The following AIG1 variants were observed in gnomAD, a reference collection of about 807,000 sequenced individuals.
The protein encoded by AIG1 is androgen induced 1, also known as androgen-induced gene 1 protein.
A neutral mutation model predicts 31.4 loss-of-function variants in AIG1; 23 were observed. The observed-to-expected ratio is 0.73, with a 90% CI of 0.53 to 1.04. AIG1 has a LOEUF of 1.04. Ranked by LOEUF, AIG1 falls within the 50% of genes least tolerant of loss-of-function variation. The pLI is 0.00. For missense variants in AIG1, 274 were observed against 295.0 expected, an observed-to-expected ratio of 0.93 and a Z score of 0.52; for synonymous variants, 100 against 110.5, an observed-to-expected ratio of 0.90 and a Z score of 0.60.
At position 143,211,631 on chromosome 6, in the gene AIG1, G is replaced by A. The variant is rs149547991; in HGVS notation, c.399+46448G>A. Among the ~76,000 whole-genome samples, 437 of 152,296 alleles carry A rather than the reference G, an allele frequency of 2.9e-3. 1 individual carries two copies. The highest frequency in any genetic ancestry group is 0.01 in the African/African-American group (429 of 41,570). ...CAATTGGCCAGGTGTGGTGGCTCATGCCTGTAATCCCAGCACTTTGGGAGG... is the reference window on the plus strand; with the variant it reads ...CAATTGGCCAGGTGTGGTGGCTCATACCTGTAATCCCAGCACTTTGGGAGG... On this transcript the variant is annotated intron_variant, in intron 3 of 5. Coordinates refer to ENST00000357847, the MANE Select transcript of AIG1 (RefSeq NM_016108.4).
At chr6:143,335,004 T>G (rs1312326011) in intron 5 of AIG1, 9 of 1,118,304 alleles carry the variant, frequency 8.0e-6, no homozygotes, top group Non-Finnish European at 8.5e-6. Context: ...ATGCCATTCT[T>G]TTAAGTAACA....
chr6:143,172,613 A>G (rs1787746063), intron 3 of AIG1, among the ~76,000 whole-genome samples: 1 of 152,078 alleles, frequency 6.6e-6, no homozygotes, highest in South Asian at 2.1e-4. Context: ...CTCTTTCTCT[A>G]TCTTTTGGAA....
intron 1 of AIG1, among the ~76,000 whole-genome samples, chr6:143,118,350 T>C (rs1379250227): frequency 6.6e-6 from 1 of 151,834 alleles, no homozygotes; most frequent in Admixed American, 6.6e-5. Context: ...TCCCAGCTAC[T>C]CGAGAGGCTG....
intron 3 of AIG1, among the ~76,000 whole-genome samples, chr6:143,238,035 G>A (rs1349890012): frequency 6.6e-6 from 1 of 152,150 alleles, no homozygotes; most frequent in African/African-American, 2.4e-5. Context: ...TTGCCTCCTG[G>A]TTTCAAGCCA....
At chr6:143,158,663 A>G (rs1312795174) in intron 2 of AIG1, among the ~76,000 whole-genome samples, 1 of 152,194 alleles carries the variant, frequency 6.6e-6, no homozygotes, top group African/African-American at 2.4e-5. Context: ...GGGACGAGCT[A>G]TCTCATAGAT....
At chr6:143,192,145 G>A (rs920938682) in intron 3 of AIG1, among the ~76,000 whole-genome samples, 2 of 152,202 alleles carry the variant, frequency 1.3e-5, no homozygotes, top group Non-Finnish European at 2.9e-5. Context: ...AATTTGAGGA[G>A]TCTGAGGATG....
intron 3 of AIG1, among the ~76,000 whole-genome samples, chr6:143,207,678 A>G (rs1296511221): frequency 6.6e-6 from 1 of 152,178 alleles, no homozygotes; most frequent in African/African-American, 2.4e-5. Flanking sequence ...TCTTGGTCAT[A>G]GAAGGTGAGT....
At chr6:143,162,626 G>C (rs1786498987) in intron 2 of AIG1, among the ~76,000 whole-genome samples, 1 of 152,198 alleles carries the variant, frequency 6.6e-6, no homozygotes, top group African/African-American at 2.4e-5. Flanking sequence ...AAGGTGAAGA[G>C]ATTTGCATCA....
chr6:143,256,257 G>C lies in AIG1; in HGVS notation c.400-27853G>C, dbSNP rs1471160716. Among the ~76,000 whole-genome samples the C allele has an allele frequency of 6.6e-6, 1 of 152,122 alleles. No individual in the cohort carries two copies. The highest frequency in any genetic ancestry group is 1.5e-5 in the Non-Finnish European group (1 of 68,020). ...CAGTGAAAACAACTGGCTGGGAAAT[G>C]GACACTATGATTAAAATCTAAGGAA... On this transcript the variant is annotated intron_variant, in intron 3 of 5. Transcript: ENST00000357847. The surrounding 1 kb of genome is among the most constrained non-coding windows in gnomAD (Gnocchi z 4.6).
In AIG1 at chr6:143,338,802, T is replaced by C. The variant is rs1055706514; in HGVS notation, c.680-837T>C. ...AAGAATACTAACAAAACCTGCAAAG[T>C]GGTATTTTAAGTTATTTTGTTTCAT... On this transcript the variant is annotated intron_variant, in intron 5 of 5. Transcript: ENST00000357847. The surrounding 1 kb of genome is among the most constrained non-coding windows in gnomAD (Gnocchi z 4.3). 6.6e-6 allele frequency: 1 copy of C among 152,078 alleles called. No individual in the cohort carries two copies. Among genetic ancestry groups the C allele is most frequent in the Non-Finnish European group, 1.5e-5 (1 of 67,996 alleles). The allele number at this position is 152,078 out of a possible 1,614,324, so 9.4% of individuals were successfully genotyped here.
At chr6:143,322,508 T>C (rs766390281) in intron 4 of AIG1, among the ~76,000 whole-genome samples, 1 of 152,218 alleles carries the variant, frequency 6.6e-6, no homozygotes, top group Admixed American at 6.5e-5. Context: ...TTGGCATCTA[T>C]GTGCCTTGAG....
At position 143,174,486 on chromosome 6, in the gene AIG1, C is replaced by CAAAAA. The variant is rs71024844; in HGVS notation, c.399+9321_399+9325dup. Among the ~76,000 whole-genome samples, 144 of 58,614 alleles carry CAAAAA rather than the reference C, an allele frequency of 2.5e-3. 1 individual carries two copies. The highest frequency in any genetic ancestry group is 4.0e-3 in the Non-Finnish European group (105 of 26,194). 38.5% of individuals were successfully genotyped at this position (58,614 alleles called of 152,430 possible). On this transcript the variant is annotated intron_variant, in intron 3 of 5. Transcript: ENST00000357847. ...TGGGTGACAGAGTGAGACTCCGTCT[C>CAAAAA]AAAAAAAAAAAAAAAAAAAAAAGAA...
intron 1 of AIG1, among the ~76,000 whole-genome samples, chr6:143,077,509 G>A (rs1777841884): frequency 1.3e-5 from 2 of 152,186 alleles, no homozygotes; most frequent in South Asian, 2.1e-4. Flanking sequence ...CTTAAAAGAT[G>A]TGTCACTGTC....
intron 4 of AIG1, among the ~76,000 whole-genome samples, chr6:143,307,162 C>T (rs1298944508): frequency 1.3e-5 from 2 of 152,142 alleles, no homozygotes; most frequent in Non-Finnish European, 2.9e-5. Flanking sequence ...TCCTGTAGCT[C>T]GGAGTAGTTT....
At chr6:143,335,912 C>T (rs1021332013) in intron 5 of AIG1, among the ~76,000 whole-genome samples, 2 of 147,632 alleles carry the variant, frequency 1.4e-5, no homozygotes, top group Non-Finnish European at 3.0e-5. Flanking sequence ...CGTGCCACCA[C>T]ACTCCATCCT....
chr6:143,149,188 A>G (rs531179850), intron 2 of AIG1, among the ~76,000 whole-genome samples: 1 of 152,266 alleles, frequency 6.6e-6, no homozygotes, highest in South Asian at 2.1e-4. Context: ...TATGTACATG[A>G]GGCCTGAGCT....
At chr6:143,187,527 T>C in intron 3 of AIG1, 1 of 1,535,052 alleles carries the variant, frequency 6.5e-7, no homozygotes, top group African/African-American at 1.4e-5. Context: ...TAACCTGTTT[T>C]TCACACTGGG....
intron 1 of AIG1, among the ~76,000 whole-genome samples, chr6:143,070,419 G>T (rs1404334428): frequency 6.6e-6 from 1 of 151,888 alleles, no homozygotes; most frequent in African/African-American, 2.4e-5. Context: ...TTTTATTTTT[G>T]ATTAGTGCTA....
chr6:143,129,262 G>A (rs891845174), intron 1 of AIG1, among the ~76,000 whole-genome samples: 1 of 152,198 alleles, frequency 6.6e-6, no homozygotes, highest in African/African-American at 2.4e-5. Context: ...CTGCACTCCA[G>A]CCTGGGCAAC....
Sources: gnomAD v4.1 joint callset for allele counts (sites outside exome capture counted in the v4.1 genomes callset) on GRCh38, gnomAD v4.1.1 for gene constraint, Gnocchi (gnomAD v3.1) non-coding constraint, MANE v1.5 for transcripts, NCBI Gene and HGNC (gene_info 2026-07-23, HGNC 2026-07-21) for gene names.